ADGRE5: variants seen among roughly 807,000 people sequenced by gnomAD.
ADGRE5 encodes CD97 molecule.
ADGRE5 carries 72 observed loss-of-function variants against 100.3 expected under a neutral mutation model. The ratio of observed to expected loss-of-function variants is 0.72; its 90% CI spans 0.59 to 0.87. ADGRE5 has a LOEUF of 0.87. Ranked by LOEUF, ADGRE5 falls within the 40% of genes least tolerant of loss-of-function variation. ADGRE5 has a pLI of 0.00. For missense variants in ADGRE5, 959 were observed against 1,094.7 expected (o/e 0.88, Z 1.75); for synonymous variants, 439 against 447.8 (o/e 0.98, Z 0.25).
intron 9 of ADGRE5, among the ~76,000 whole-genome samples, chr19:14,398,613 T>G (rs2146364737): frequency 7.0e-6 from 1 of 143,374 alleles, no homozygotes. Context: ...AGGTGGAGCT[T>G]GCAGTGAGCC....
chr19:14,406,749 G>T lies in ADGRE5; in HGVS notation c.2098G>T (p.Val700Leu). The T allele has an allele frequency of 6.2e-7, 1 of 1,614,140 alleles. No homozygotes were observed. The highest frequency in any genetic ancestry group is 8.5e-7 in the Non-Finnish European group (1 of 1,180,018). The change falls in exon 16 of 20, where the codon GTG becomes TTG. Residue 700 changes from valine (V) to leucine (L), a missense_variant. Around this residue, in one of 6 missense-constraint regions of ADGRE5, gnomAD observed 428 missense variants for 386.2 expected, o/e 1.11. Transcript: ENST00000242786. This position sits in a 1 kb window ranked among gnomAD's most constrained non-coding sequence, Gnocchi z 6.0. ...CTTCCTCTGGAGCTTCTTGGGACCT[G>T]TGACCTTCATCATTTTGGTAAGTAC... The part of the protein sequence containing the change: ...QGFLWSFLGP[V>L]TFIILCNAVI...
At position 14,408,364 on chromosome 19, in the gene ADGRE5, T is replaced by C; in HGVS notation, c.*243T>C. The stretch of plus-strand genomic sequence containing the variant: ...CTCTGCTCCACCTTGTGACCCAGGG[T>C]GGGGACAGGGGCTGGCCCAGGGCTG... On this transcript the variant is annotated 3_prime_UTR_variant, in exon 20 of 20. Transcript: ENST00000242786. The C allele has an allele frequency of 1.6e-6, 1 of 616,716 alleles. No homozygotes were observed. The highest frequency in any genetic ancestry group is 2.9e-6 in the Non-Finnish European group (1 of 344,042). The allele number at this position is 616,716 out of a possible 1,614,324, so 38.2% of individuals were successfully genotyped here.
At chr19:14,395,523 G>A (rs1975745423) in intron 4 of ADGRE5, among the ~76,000 whole-genome samples, 1 of 152,176 alleles carries the variant, frequency 6.6e-6, no homozygotes, top group Non-Finnish European at 1.5e-5. Flanking sequence ...AATGACAAGG[G>A]ATGAGAGGAC....
At chr19:14,388,882 G>A (rs112543109) in intron 3 of ADGRE5, 64 bp downstream of exon 3, 1 of 1,463,568 alleles carries the variant, frequency 6.8e-7, no homozygotes, top group African/African-American at 1.4e-5. Context: ...CAGCCAGTGG[G>A]GGACAGAGGT....
chr19:14,393,071 G>A (rs930317859), intron 4 of ADGRE5, among the ~76,000 whole-genome samples: 4 of 152,056 alleles, frequency 2.6e-5, no homozygotes, highest in South Asian at 4.2e-4. Flanking sequence ...CATGGTGGCC[G>A]GCATCTGTAG....
At position 14,397,084 on chromosome 19, in the gene ADGRE5, T is replaced by C. The variant is rs777962770; in HGVS notation, c.486T>C (p.Asn162=). The C allele has an allele frequency of 4.3e-6, 7 of 1,613,726 alleles. No individual in the cohort carries two copies. In the South Asian group the frequency reaches 7.7e-5, roughly 18 times the overall value. Residue 162 remains asparagine, a synonymous_variant, in exon 6 of 20, where the codon AAT becomes AAC. Coordinates refer to ENST00000242786, the MANE Select transcript of ADGRE5 (RefSeq NM_078481.4). ...CTCTGGCTTTGTCCTCAGATGTGAA[T>C]GAATGCACCTCCGGACAAAACCCGT... ...PEDPKVCTDV[N]ECTSGQNPCH... is the part of the protein sequence containing the mutation.
At chr19:14,397,618 A>G in intron 6 of ADGRE5, 40 bp from the exon 7 acceptor site, 1 of 1,592,224 alleles carries the variant, frequency 6.3e-7, no homozygotes. Flanking sequence ...GACCCTCTCC[A>G]GGCTGGGACA....
At chr19:14,400,080 C>A (rs550458593) in intron 9 of ADGRE5, among the ~76,000 whole-genome samples, 6 of 151,706 alleles carry the variant, frequency 4.0e-5, no homozygotes, top group Non-Finnish European at 7.4e-5. Context: ...AGTGCAGTGG[C>A]ACGATCTCGG....
Position 14,398,324 on chromosome 19 carries a change from G to T in ADGRE5, c.897+185G>T, listed in dbSNP as rs372828026. ...CACACCCGGACACGTGAAGACACAC[G>T]CATGCACACACACACACCAGGTATA... is the stretch of plus-strand genomic sequence containing the variant. On this transcript the variant is annotated intron_variant, in intron 9 of 19. Transcript: ENST00000242786. 2.0e-5 allele frequency: 12 copies of T among 610,834 alleles called. No individual in the cohort carries two copies. In the East Asian group the frequency reaches 2.8e-4, roughly 14 times the overall value. The allele number at this position is 610,834 out of a possible 1,614,324, so 37.8% of individuals were successfully genotyped here. A position where few individuals can be genotyped will look rare whatever the true frequency, so the allele number is the denominator to read the frequency against.
At chr19:14,399,458 G>GGAGGCTGA (rs1975919832) in intron 9 of ADGRE5, among the ~76,000 whole-genome samples, 1 of 150,488 alleles carries the variant, frequency 6.6e-6, no homozygotes, top group African/African-American at 2.4e-5. Context: ...CAGCTACTTG[G>GGAGGCTGA]GAGGCTGAGG....
At chr19:14,404,699 G>T in intron 13 of ADGRE5, 137 bp downstream of exon 13, 1 of 772,020 alleles carries the variant, frequency 1.3e-6, no homozygotes, top group Non-Finnish European at 2.0e-6. Context: ...GTGTCCCCAC[G>T]TCACACCCTT....
In ADGRE5 at chr19:14,390,975, A is replaced by G. The variant is rs1975580659; in HGVS notation, c.242A>G (p.Asp81Gly). The change falls in exon 4 of 20, where the codon GAC (aspartate) becomes GGC (glycine). Residue 81 changes from aspartate to glycine, a missense_variant. Asp to Gly is a moderately conservative substitution (Grantham distance 94, BLOSUM62 -1). Around this residue, in one of 6 missense-constraint regions of ADGRE5, gnomAD observed 114 missense variants for 195.7 expected, o/e 0.58. Transcript: ENST00000242786. ...PSKVSCGKFS[D>G]CWNTEGSYDC... is the part of the protein sequence containing the mutation. ...AAAGTGTCATGCGGAAAATTCTCGGACTGCTGGAACACAGAGGGGAGCTAC... is the reference window on the plus strand; with the variant it reads ...AAAGTGTCATGCGGAAAATTCTCGGGCTGCTGGAACACAGAGGGGAGCTAC... 6.8e-6 allele frequency: 11 copies of G among 1,614,098 alleles called. No homozygotes were observed. The highest frequency in any genetic ancestry group is 8.5e-6 in the Non-Finnish European group (10 of 1,180,056).
At chr19:14,392,291 CT>C (rs1975628662) in intron 4 of ADGRE5, among the ~76,000 whole-genome samples, 1 of 112,932 alleles carries the variant, frequency 8.9e-6, no homozygotes, top group African/African-American at 4.1e-5. Context: ...GAGTCCTTAT[CT>C]TTTATTTGTT....
chr19:14,405,967 G>A (rs755524013), intron 14 of ADGRE5, 28 bp downstream of exon 14: 2 of 1,580,820 alleles, frequency 1.3e-6, no homozygotes, highest in South Asian at 2.2e-5. Flanking sequence ...TCCCTCCTGA[G>A]CTCTGGGGTC....
At chr19:14,396,213 T>G in intron 4 of ADGRE5, 129 bp from the exon 5 acceptor site, 3 of 1,554,340 alleles carry the variant, frequency 1.9e-6, no homozygotes, top group Non-Finnish European at 2.6e-6. Context: ...GATGCCTCTG[T>G]GTGGATTGGA....
Position 14,406,571 on chromosome 19 carries a change from G to C in ADGRE5, c.2048+14G>C, listed in dbSNP as rs1976250044. 1.2e-6 allele frequency: 2 copies of C among 1,604,616 alleles called. No individual in the cohort carries two copies. The highest frequency in any genetic ancestry group is 1.7e-6 in the Non-Finnish European group (2 of 1,175,452). On this transcript the variant is annotated intron_variant, in intron 15 of 19. Coordinates refer to ENST00000242786, the MANE Select transcript of ADGRE5 (RefSeq NM_078481.4). The surrounding 1 kb of genome is among the most constrained non-coding windows in gnomAD (Gnocchi z 6.0). ...CCGCCCCAGATAGTGAGTGCAGCGAGATGGGGCAGGAGGAAGGCGGGGTGC... is the reference window on the plus strand; with the variant it reads ...CCGCCCCAGATAGTGAGTGCAGCGACATGGGGCAGGAGGAAGGCGGGGTGC...
Position 14,406,664 on chromosome 19 carries a change from C to G in ADGRE5, c.2049-36C>G. On this transcript the variant is annotated intron_variant, in intron 15 of 19. Coordinates refer to ENST00000242786, the MANE Select transcript of ADGRE5 (RefSeq NM_078481.4). The surrounding 1 kb of genome is among the most constrained non-coding windows in gnomAD (Gnocchi z 6.0). ...CGCCCTCCGTTCCGCTCCTGGCTTC[C>G]TGGGGCACTGATGGGACCCCTCCCT... 1 of 1,612,000 alleles carries G rather than the reference C, an allele frequency of 6.2e-7. No individual in the cohort carries two copies.
At chr19:14,388,850 TC>T in intron 3 of ADGRE5, 32 bp downstream of exon 3, 1 of 1,596,024 alleles carries the variant, frequency 6.3e-7, no homozygotes, top group Non-Finnish European at 8.6e-7. Context: ...GCAGGGGACA[TC>T]CGCGATTATG....
At chr19:14,390,316 G>GT (rs1052297415) in intron 3 of ADGRE5, among the ~76,000 whole-genome samples, 9 of 147,870 alleles carry the variant, frequency 6.1e-5, no homozygotes, top group Admixed American at 1.3e-4. Flanking sequence ...TGGCTATGAG[G>GT]TTTTTTTTTC....
Sources: gnomAD v4.1 joint callset for allele counts (sites outside exome capture counted in the v4.1 genomes callset) on GRCh38, gnomAD v4.1.1 for gene constraint, gnomAD v4.1.1 regional missense constraint, Gnocchi (gnomAD v3.1) non-coding constraint, MANE v1.5 for transcripts, NCBI Gene and HGNC (gene_info 2026-07-23, HGNC 2026-07-21) for gene names.